Variants in FSHR observed in about 807,000 individuals in gnomAD.
The protein encoded by FSHR is follicle stimulating hormone receptor.
FSHR carries 46 observed loss-of-function variants against 52.1 expected under a neutral mutation model. The observed-to-expected ratio is 0.88, with a 90% CI of 0.70 to 1.13. The LOEUF is 1.13. Ranked by LOEUF, FSHR falls within the 50% of genes most tolerant of loss-of-function variation. The pLI, the probability that FSHR is intolerant of heterozygous loss-of-function variation, is 0.00. For missense variants in FSHR, 964 were observed against 834.6 expected (o/e 1.16, Z -1.91); for synonymous variants, 399 against 309.6 (o/e 1.29, Z -3.03).
At chr2:48,990,699 G>C (rs1217894178) in intron 4 of FSHR, 62 bp from the exon 5 acceptor site, 1 of 977,218 alleles carries the variant, frequency 1.0e-6, no homozygotes, top group South Asian at 1.3e-5. Context: ...AGTTGTTAGA[G>C]CATGAACTTT....
At position 49,127,751 on chromosome 2, in the gene FSHR, TTTCTTCTTCTTCTTCTTCTTCTTCTTC is replaced by T. The variant is rs1345639633; in HGVS notation, c.152+26488_152+26514del. ...ATTTGTGCATGATTTCTTCTTCTTC[TTTCTTCTTCTTCTTCTTCTTCTTCTTC>T]TTCTTCTTCTTCTTCTTCTTCTTCT... On this transcript the variant is annotated intron_variant, in intron 1 of 9. Transcript: ENST00000406846. Among the ~76,000 whole-genome samples the T allele has an allele frequency of 2.3e-3, 181 of 77,542 alleles. 2 individuals carry two copies. Among genetic ancestry groups the T allele is most frequent in the Non-Finnish European group, 3.1e-3 (124 of 40,336 alleles). The allele number at this position is 77,542 out of a possible 152,430, so 50.9% of individuals were successfully genotyped here.
intron 1 of FSHR, among the ~76,000 whole-genome samples, chr2:49,077,104 C>T (rs1049598505): frequency 2.6e-5 from 4 of 152,300 alleles, no homozygotes; most frequent in Non-Finnish European, 5.9e-5. Flanking sequence ...TGTCAGGGTC[C>T]CACCACATAT....
chr2:49,127,654 T>C (rs1033366983), intron 1 of FSHR, among the ~76,000 whole-genome samples: 4 of 152,162 alleles, frequency 2.6e-5, no homozygotes, highest in African/African-American at 9.7e-5. Context: ...CACTCTCATC[T>C]TGCCAATCCT....
chr2:49,002,570 C>T (rs556884183), intron 4 of FSHR, among the ~76,000 whole-genome samples: 1 of 152,024 alleles, frequency 6.6e-6, no homozygotes, highest in Admixed American at 6.5e-5. Context: ...GAAGAAGTGC[C>T]GAGCAAAGGG....
chr2:49,052,787 G>C (rs1253251567), intron 2 of FSHR, among the ~76,000 whole-genome samples: 1 of 152,176 alleles, frequency 6.6e-6, no homozygotes, highest in Non-Finnish European at 1.5e-5. Context: ...ATCACAGAAG[G>C]TTGGGTTAGG....
chr2:49,113,113 A>G (rs1671482196), intron 1 of FSHR, among the ~76,000 whole-genome samples: 2 of 152,130 alleles, frequency 1.3e-5, no homozygotes. Flanking sequence ...GAAGATGGAG[A>G]CAATGTGGTA....
rs919448918 is a variant in FSHR at position 48,984,383 on chromosome 2, G to T, written c.525-1217C>A. ...CTGTTGCAGGATAGTGGGAGTTGCT[G>T]AGGTAGCTGTGGCATGTGGATCCCT... is the stretch of plus-strand genomic sequence containing the variant. On this transcript the variant is annotated intron_variant, in intron 6 of 9. Transcript: ENST00000406846. Among the ~76,000 whole-genome samples, 10 of 152,314 alleles carry T rather than the reference G, an allele frequency of 6.6e-5. No homozygotes were observed. In the East Asian group the frequency reaches 1.9e-3, roughly 29 times the overall value.
intron 4 of FSHR, among the ~76,000 whole-genome samples, chr2:49,007,445 T>C (rs1460550453): frequency 6.6e-6 from 1 of 152,104 alleles, no homozygotes; most frequent in Non-Finnish European, 1.5e-5. Flanking sequence ...TGTAAAAAAC[T>C]GGAATTATTT....
intron 2 of FSHR, among the ~76,000 whole-genome samples, chr2:49,037,940 T>TA (rs967933117): frequency 6.6e-6 from 1 of 151,858 alleles, no homozygotes; most frequent in Non-Finnish European, 1.5e-5. Context: ...CCACAAGCAT[T>TA]AAAAAAATCC....
At chr2:49,030,419 A>G (rs1416435438) in intron 2 of FSHR, among the ~76,000 whole-genome samples, 1 of 152,052 alleles carries the variant, frequency 6.6e-6, no homozygotes, top group African/African-American at 2.4e-5. Flanking sequence ...CCGTACCTGT[A>G]ACAAATGGCT....
At chr2:49,013,481 A>T (rs868275208) in intron 4 of FSHR, among the ~76,000 whole-genome samples, 47 of 115,026 alleles carry the variant, frequency 4.1e-4, no homozygotes, top group African/African-American at 1.2e-3. Flanking sequence ...TATATATATA[A>T]ATAAATATAT....
chr2:49,136,059 A>T (rs578261716), intron 1 of FSHR, among the ~76,000 whole-genome samples: 35 of 151,844 alleles, frequency 2.3e-4, no homozygotes, highest in African/African-American at 7.0e-4. Flanking sequence ...AATAAGGAAT[A>T]AAAAAAAGAC....
intron 2 of FSHR, among the ~76,000 whole-genome samples, chr2:49,057,406 A>C (rs1248930386): frequency 6.6e-6 from 1 of 152,160 alleles, no homozygotes; most frequent in Non-Finnish European, 1.5e-5. Flanking sequence ...ATTGCTATGA[A>C]CAAGTATACA....
At chr2:49,087,070 GTTTTTTTTTTTTTTTT>G (rs56890721) in intron 1 of FSHR, among the ~76,000 whole-genome samples, 2 of 86,728 alleles carry the variant, frequency 2.3e-5, no homozygotes, top group Non-Finnish European at 4.3e-5. Context: ...TGTGGGCAGG[GTTTTTTTTTTTTTTTT>G]TTTTTTTTTT....
chr2:49,035,927 A>G (rs1419948968), intron 2 of FSHR, among the ~76,000 whole-genome samples: 2 of 152,210 alleles, frequency 1.3e-5, no homozygotes, highest in Non-Finnish European at 2.9e-5. Flanking sequence ...GAACTTAGTA[A>G]CTTTCATTTG....
At chr2:49,094,622 G>T (rs1487707467) in intron 1 of FSHR, among the ~76,000 whole-genome samples, 1 of 152,078 alleles carries the variant, frequency 6.6e-6, no homozygotes, top group East Asian at 1.9e-4. Context: ...GTTGTTCCAT[G>T]AATGGAAACA....
chr2:48,997,617 T>C (rs998521544), intron 4 of FSHR, among the ~76,000 whole-genome samples: 12 of 152,072 alleles, frequency 7.9e-5, no homozygotes, highest in Admixed American at 2.0e-4. Flanking sequence ...AGATCTCTTA[T>C]ATTTTACACA....
intron 3 of FSHR, among the ~76,000 whole-genome samples, chr2:49,019,413 A>G (rs1281531515): frequency 6.6e-6 from 1 of 152,216 alleles, no homozygotes; most frequent in Non-Finnish European, 1.5e-5. Context: ...GAAATAATTT[A>G]TAGTAATAAT....
intron 8 of FSHR, among the ~76,000 whole-genome samples, chr2:48,969,415 G>A (rs1674631457): frequency 6.6e-6 from 1 of 152,228 alleles, no homozygotes; most frequent in African/African-American, 2.4e-5. Flanking sequence ...GCAGTACAGA[G>A]TGGTGGTTAC....
Sources: gnomAD v4.1 joint callset for allele counts (sites outside exome capture counted in the v4.1 genomes callset) on GRCh38, gnomAD v4.1.1 for gene constraint, MANE v1.5 for transcripts, NCBI Gene and HGNC (gene_info 2026-07-23, HGNC 2026-07-21) for gene names.